KSR2: variants seen among roughly 807,000 people sequenced by gnomAD.
The protein encoded by KSR2 is kinase suppressor of ras 2.
KSR2 carries 25 observed loss-of-function variants against 107.8 expected under a neutral mutation model. The observed-to-expected ratio is 0.23, with a 90% CI of 0.17 to 0.32. The LOEUF is 0.32. KSR2 is among the 10% of genes least tolerant of loss of function. The probability of loss-of-function intolerance (pLI) is 1.00; values close to 1 mark genes in which losing one functional copy is unlikely to be tolerated. For missense variants in KSR2, 887 were observed against 1,268.9 expected, an observed-to-expected ratio of 0.70 and a Z score of 4.57; for synonymous variants, 480 against 507.0, an observed-to-expected ratio of 0.95 and a Z score of 0.71.
chr12:117,616,160 C>T lies in KSR2; in HGVS notation c.1172-33801G>A, dbSNP rs150507406. 8.8e-3 allele frequency among the ~76,000 whole-genome samples: 448 copies of T among 51,180 alleles called. 3 individuals carry two copies. The highest frequency in any genetic ancestry group is 0.03 in the African/African-American group (397 of 13,158). 33.6% of individuals were successfully genotyped at this position (51,180 alleles called of 152,430 possible). A position where few individuals can be genotyped will look rare whatever the true frequency, so the allele number is the denominator to read the frequency against. On this transcript the variant is annotated intron_variant, in intron 5 of 19. Transcript: ENST00000339824. ...TGGGTGACAGAGTGAGACCCTGTCTCGAAAAAAAAAAAAAACAGATTTTAA... is the reference window on the plus strand; with the variant it reads ...TGGGTGACAGAGTGAGACCCTGTCTTGAAAAAAAAAAAAAACAGATTTTAA...
At chr12:117,674,519 C>T (rs1312575421) in intron 4 of KSR2, 7 of 403,852 alleles carry the variant, frequency 1.7e-5, no homozygotes, top group African/African-American at 1.3e-4. Flanking sequence ...TTTCCCCTTT[C>T]CTCCAGCCCC....
chr12:117,573,152 G>A (rs1879012079), intron 7 of KSR2, among the ~76,000 whole-genome samples: 1 of 152,176 alleles, frequency 6.6e-6, no homozygotes, highest in African/African-American at 2.4e-5. Context: ...GACAGCTAAT[G>A]ATAATTCCGG....
At chr12:117,847,451 C>A (rs1339288826) in intron 3 of KSR2, among the ~76,000 whole-genome samples, 1 of 152,170 alleles carries the variant, frequency 6.6e-6, no homozygotes. Context: ...GGCAAGCTCC[C>A]AGGAGGTTGC....
intron 6 of KSR2, among the ~76,000 whole-genome samples, chr12:117,581,852 C>A (rs1472289107): frequency 6.6e-6 from 1 of 152,122 alleles, no homozygotes; most frequent in Admixed American, 6.5e-5. Context: ...AAGCATTAAT[C>A]TTCAGAATGA....
chr12:117,642,138 T>C (rs889573667), intron 5 of KSR2, among the ~76,000 whole-genome samples: 2 of 152,208 alleles, frequency 1.3e-5, no homozygotes, highest in Non-Finnish European at 2.9e-5. Context: ...CCCCTCACCA[T>C]TGCTGCTCCC....
At chr12:117,753,779 C>G (rs901992784) in intron 4 of KSR2, among the ~76,000 whole-genome samples, 1 of 147,338 alleles carries the variant, frequency 6.8e-6, no homozygotes, top group Non-Finnish European at 1.5e-5. Context: ...ACCTATGTAA[C>G]AAACCTGCAC....
At chr12:117,745,907 A>ACTT in intron 4 of KSR2, among the ~76,000 whole-genome samples, 1 of 152,206 alleles carries the variant, frequency 6.6e-6, no homozygotes, top group Non-Finnish European at 1.5e-5. Context: ...GAGAACTACA[A>ACTT]ACCACTGCTC....
intron 18 of KSR2, among the ~76,000 whole-genome samples, chr12:117,470,258 T>C (rs528343463): frequency 7.2e-6 from 1 of 139,480 alleles, no homozygotes; most frequent in South Asian, 2.3e-4. Context: ...TACCCATCCA[T>C]ATCAATTCAC....
chr12:117,948,823 G>C (rs1302306263), intron 1 of KSR2, among the ~76,000 whole-genome samples: 1 of 152,242 alleles, frequency 6.6e-6, no homozygotes, highest in African/African-American at 2.4e-5. Flanking sequence ...GCCAGGTGCA[G>C]TGGCTCACGT....
intron 4 of KSR2, among the ~76,000 whole-genome samples, chr12:117,686,364 C>G (rs775716899): frequency 1.3e-5 from 2 of 151,652 alleles, no homozygotes; most frequent in Non-Finnish European, 2.9e-5. Context: ...CCATGCCTGG[C>G]CTCATTTTAT....
At chr12:117,858,937 G>A (rs567224376) in intron 2 of KSR2, among the ~76,000 whole-genome samples, 5 of 152,130 alleles carry the variant, frequency 3.3e-5, no homozygotes, top group East Asian at 1.9e-4. Flanking sequence ...AGTGATGTCC[G>A]CTGGTTTTAT....
chr12:117,676,222 C>G (rs1184565794), intron 4 of KSR2, among the ~76,000 whole-genome samples: 1 of 152,158 alleles, frequency 6.6e-6, no homozygotes, highest in Non-Finnish European at 1.5e-5. Flanking sequence ...GGCGATAGCC[C>G]TCATTTCTGG....
chr12:117,677,468 C>G (rs773500563), intron 4 of KSR2, among the ~76,000 whole-genome samples: 50 of 152,132 alleles, frequency 3.3e-4, no homozygotes, highest in Non-Finnish European at 6.5e-4. Flanking sequence ...CAGGAGAAAC[C>G]AACCCTGCCA....
At chr12:117,745,446 GATAAGAGGTTA>G (rs1888373714) in intron 4 of KSR2, among the ~76,000 whole-genome samples, 1 of 152,122 alleles carries the variant, frequency 6.6e-6, no homozygotes, top group East Asian at 1.9e-4. Flanking sequence ...TCATACATCT[GATAAGAGGTTA>G]ATATCTAAAA....
chr12:117,823,239 C>T (rs1367228383), intron 3 of KSR2, among the ~76,000 whole-genome samples: 1 of 151,910 alleles, frequency 6.6e-6, no homozygotes, highest in African/African-American at 2.4e-5. Context: ...GCAAGAGTCA[C>T]ACGATTTGCT....
chr12:117,464,609 A>T lies in KSR2; in HGVS notation c.*2590T>A, dbSNP rs918558604. The T allele has an allele frequency of 2.0e-4, 31 of 152,406 alleles. No individual in the cohort carries two copies. The highest frequency in any genetic ancestry group is 6.3e-4 in the African/African-American group (26 of 41,592). 9.4% of individuals were successfully genotyped at this position (152,406 alleles called of 1,614,324 possible). ...TCCTGGATTTAAATGTGTGCAAATT[A>T]AAGCTGGTTTCTCAACAAGTCAGGG... On this transcript the variant is annotated 3_prime_UTR_variant, in exon 20 of 20. Coordinates refer to ENST00000339824, the MANE Select transcript of KSR2 (RefSeq NM_173598.6).
intron 11 of KSR2, among the ~76,000 whole-genome samples, chr12:117,531,377 T>G (rs1158262156): frequency 6.6e-6 from 1 of 152,116 alleles, no homozygotes; most frequent in Non-Finnish European, 1.5e-5. Context: ...CCTATGACCA[T>G]CTCTTTCCTG....
At chr12:117,769,332 T>C (rs1368737168) in intron 3 of KSR2, among the ~76,000 whole-genome samples, 1 of 152,054 alleles carries the variant, frequency 6.6e-6, no homozygotes, top group Non-Finnish European at 1.5e-5. Context: ...CTGAATTACA[T>C]GCTGGTAATG....
At chr12:117,627,453 C>T (rs1386081836) in intron 5 of KSR2, among the ~76,000 whole-genome samples, 1 of 152,180 alleles carries the variant, frequency 6.6e-6, no homozygotes, top group Non-Finnish European at 1.5e-5. Flanking sequence ...TTCTCCTTCA[C>T]TTATGAAGTC....
Sources: gnomAD v4.1 joint callset for allele counts (sites outside exome capture counted in the v4.1 genomes callset) on GRCh38, gnomAD v4.1.1 for gene constraint, MANE v1.5 for transcripts, NCBI Gene and HGNC (gene_info 2026-07-23, HGNC 2026-07-21) for gene names.